MTMR9: variants seen among roughly 807,000 people sequenced by gnomAD.
MTMR9 encodes myotubularin-related protein 9.
MTMR9 carries 39 observed loss-of-function variants against 69.5 expected under a neutral mutation model. The ratio of observed to expected loss-of-function variants is 0.56; its 90% CI spans 0.43 to 0.73. MTMR9 has a LOEUF of 0.73. MTMR9 is among the 30% of genes least tolerant of loss of function. The pLI is 0.00. For synonymous variants in MTMR9, 354 were observed against 240.8 expected, an observed-to-expected ratio of 1.47 and a Z score of -4.35; for missense variants, 900 against 671.2, an observed-to-expected ratio of 1.34 and a Z score of -3.77.
At chr8:11,313,951 T>G (rs1049715325) in intron 6 of MTMR9, among the ~76,000 whole-genome samples, 1 of 152,174 alleles carries the variant, frequency 6.6e-6, no homozygotes, top group African/African-American at 2.4e-5. Context: ...AATCTCCCAT[T>G]TGTGGAAAAT....
chr8:11,295,338 A>C (rs955020912), intron 2 of MTMR9, 36 bp downstream of exon 2: 2 of 1,133,140 alleles, frequency 1.8e-6, no homozygotes, highest in South Asian at 2.5e-5. Flanking sequence ...ATGAAACATA[A>C]TTTTATATTA....
At position 11,324,922 on chromosome 8, in the gene MTMR9, G is replaced by A. The variant is rs1426761238; in HGVS notation, c.*2134G>A. The A allele has an allele frequency of 1.3e-5, 2 of 152,390 alleles. No homozygotes were observed. Among genetic ancestry groups the A allele is most frequent in the East Asian group, 3.9e-4 (2 of 5,188 alleles). The allele number at this position is 152,390 out of a possible 1,614,324, so 9.4% of individuals were successfully genotyped here. The stretch of plus-strand genomic sequence containing the variant: ...TTGATCGGCCATAGGGCTTCCATGG[G>A]TGGAAACTTGTGAGGGAGTTTGTAT... On this transcript the variant is annotated 3_prime_UTR_variant, in exon 10 of 10. Coordinates refer to ENST00000221086, the MANE Select transcript of MTMR9 (RefSeq NM_015458.4).
At chr8:11,309,772 A>G in intron 6 of MTMR9, 84 bp downstream of exon 6, 2 of 1,470,444 alleles carry the variant, frequency 1.4e-6, no homozygotes, top group Non-Finnish European at 1.8e-6. Context: ...TTTATAGATT[A>G]TGTGAAAGTT....
At chr8:11,294,337 C>T (rs990206558) in intron 1 of MTMR9, among the ~76,000 whole-genome samples, 1 of 151,926 alleles carries the variant, frequency 6.6e-6, no homozygotes, top group African/African-American at 2.4e-5. Flanking sequence ...CAATCCTTCA[C>T]CGTTAAGTGT....
chr8:11,302,734 T>G (rs73537146), intron 3 of MTMR9, among the ~76,000 whole-genome samples: 6 of 152,074 alleles, frequency 3.9e-5, no homozygotes, highest in Admixed American at 3.9e-4. Flanking sequence ...ATACAGGGTA[T>G]AGGGATTGAA....
intron 6 of MTMR9, among the ~76,000 whole-genome samples, chr8:11,314,345 C>G (rs1210759779): frequency 2.6e-5 from 4 of 152,150 alleles, no homozygotes. Flanking sequence ...GCAGTGGTAT[C>G]TTTACAACTG....
intron 5 of MTMR9, among the ~76,000 whole-genome samples, chr8:11,306,934 C>G (rs1202908775): frequency 6.6e-6 from 1 of 152,166 alleles, no homozygotes; most frequent in Admixed American, 6.5e-5. Flanking sequence ...ATGAGTTTAA[C>G]TTGTTTAGAT....
the MTMR9 span, among the ~76,000 whole-genome samples, chr8:11,335,244 A>G: frequency 2.0e-5 from 3 of 152,240 alleles, no homozygotes; most frequent in Non-Finnish European, 4.4e-5. Flanking sequence ...TGGTTAATTT[A>G]CAAAATTCAA....
chr8:11,295,412 C>T (rs918319873), intron 2 of MTMR9, 110 bp downstream of exon 2: 1 of 712,030 alleles, frequency 1.4e-6, no homozygotes, highest in African/African-American at 1.8e-5. Flanking sequence ...GACTCAAATA[C>T]TGAAGACTGA....
intron 8 of MTMR9, 44 bp from the exon 9 acceptor site, chr8:11,319,643 G>T (rs200016572): frequency 1.9e-6 from 3 of 1,602,994 alleles, no homozygotes; most frequent in Non-Finnish European, 2.6e-6. Flanking sequence ...AATAATGGTT[G>T]TTATAAATTA....
At chr8:11,317,238 A>G (rs144222097) in intron 8 of MTMR9, 1 of 157,646 alleles carries the variant, frequency 6.3e-6, no homozygotes, top group Non-Finnish European at 1.4e-5. Flanking sequence ...AGTAAGATCC[A>G]GAGAAGTTAC....
rs776858644 is a variant in MTMR9 at position 11,314,949 on chromosome 8, G to A, written c.998G>A (p.Gly333Glu). The A allele has an allele frequency of 1.2e-6, 2 of 1,613,854 alleles. No homozygotes were observed. Among genetic ancestry groups the A allele is most frequent in the East Asian group, 2.2e-5 (1 of 44,870 alleles). Reference sequence around the variant, plus strand: ...GAAGGAGCATCAATATTGATTCACGGAACAGAAGGAACTGATTCCACACTC... The same window carrying A: ...GAAGGAGCATCAATATTGATTCACGAAACAGAAGGAACTGATTCCACACTC... ...DREGASILIH[G>E]TEGTDSTLQV... The change falls in exon 7 of 10, where the codon GGA becomes GAA. Residue 333 changes from glycine to glutamate, a missense_variant. Gly to Glu is a moderately conservative substitution (Grantham distance 98). Coordinates refer to ENST00000221086, the MANE Select transcript of MTMR9 (RefSeq NM_015458.4).
the MTMR9 span, among the ~76,000 whole-genome samples, chr8:11,334,679 A>G: frequency 2.0e-5 from 3 of 152,186 alleles, no homozygotes; most frequent in South Asian, 6.2e-4. Context: ...ATTACATTAA[A>G]TGTAATCACT....
intron 8 of MTMR9, chr8:11,317,685 CA>C (rs1800487255): frequency 6.6e-6 from 1 of 152,388 alleles, no homozygotes; most frequent in Admixed American, 6.5e-5. Context: ...GACTTTGTTA[CA>C]CCTAGAAACT....
intron 6 of MTMR9, among the ~76,000 whole-genome samples, chr8:11,311,095 T>C (rs1364345356): frequency 1.3e-5 from 2 of 152,190 alleles, no homozygotes; most frequent in Non-Finnish European, 2.9e-5. Flanking sequence ...ATGAATTGAA[T>C]TCAGAATATC....
chr8:11,293,173 C>G (rs1799426647), intron 1 of MTMR9, among the ~76,000 whole-genome samples: 1 of 152,060 alleles, frequency 6.6e-6, no homozygotes, highest in Middle Eastern at 3.2e-3. Context: ...ATTGATGATC[C>G]CAACCCTGTG....
chr8:11,289,145 C>G (rs1340857485), intron 1 of MTMR9, among the ~76,000 whole-genome samples: 1 of 152,192 alleles, frequency 6.6e-6, no homozygotes, highest in Non-Finnish European at 1.5e-5. Context: ...GAACTCCACC[C>G]TGGGGTGACA....
rs1799701609 is a variant in MTMR9, at chr8:11,300,121, G to A, written c.390G>A (p.Glu130=). 3 of 1,613,280 alleles carry A rather than the reference G, an allele frequency of 1.9e-6. No homozygotes were observed. Among genetic ancestry groups the A allele is most frequent in the Non-Finnish European group, 2.5e-6 (3 of 1,179,542 alleles). Residue 130 remains glutamate, a synonymous_variant, in exon 3 of 10, where the codon GAG becomes GAA. Transcript: ENST00000221086. ...IEDGWHSFLP[E]QEFELYSSAT... ...ATGGCTGGCATTCCTTCCTTCCTGA[G>A]CAAGAATTTGAACTCTATTCTTCAG...
intron 7 of MTMR9, among the ~76,000 whole-genome samples, chr8:11,315,505 G>A (rs2117442334): frequency 6.6e-6 from 1 of 152,266 alleles, no homozygotes; most frequent in African/African-American, 2.4e-5. Flanking sequence ...TGTAATGTTG[G>A]ATGGCTGCCA....
Sources: gnomAD v4.1 joint callset for allele counts (sites outside exome capture counted in the v4.1 genomes callset) on GRCh38, gnomAD v4.1.1 for gene constraint, MANE v1.5 for transcripts, NCBI Gene and HGNC (gene_info 2026-07-23, HGNC 2026-07-21) for gene names.